Variants in CARS1 observed in about 807,000 individuals in gnomAD.
CARS1 encodes cysteine--tRNA ligase, cytoplasmic.
CARS1 carries 48 observed loss-of-function variants against 106.2 expected under a neutral mutation model. The ratio of observed to expected loss-of-function variants is 0.45; its 90% CI spans 0.36 to 0.57. The LOEUF (loss-of-function observed/expected upper bound fraction) is 0.57, where lower values mean the gene tolerates loss of function less well. Among genes scored for constraint, CARS1 ranks in the 20% least tolerant of loss-of-function variants. CARS1 has a pLI of 0.00. For missense variants in CARS1, 968 were observed against 1,057.2 expected (o/e 0.92, Z 1.17); for synonymous variants, 409 against 403.4 (o/e 1.01, Z -0.17).
rs1855145490 is a variant in CARS1 at position 3,046,914 on chromosome 11, A to G, written c.274+839T>C. Among the ~76,000 whole-genome samples the G allele has an allele frequency of 6.6e-6, 1 of 152,200 alleles. No homozygotes were observed. Among genetic ancestry groups the G allele is most frequent in the Non-Finnish European group, 1.5e-5 (1 of 68,040 alleles). On this transcript the variant is annotated intron_variant, in intron 2 of 22. Coordinates refer to ENST00000380525, the MANE Select transcript of CARS1 (RefSeq NM_001014437.3). The surrounding 1 kb of genome is among the most constrained non-coding windows in gnomAD (Gnocchi z 5.8). ...GGCACGTTCCACAGACACAACCAGC[A>G]CCAACAGGCTGGAGCTACGGGACAG...
At chr11:3,031,560 A>C (rs1852762941) in intron 7 of CARS1, 1 of 152,240 alleles carries the variant, frequency 6.6e-6, no homozygotes, top group South Asian at 2.1e-4. Context: ...GGAAGTTGCC[A>C]CTCTACCTAA....
At position 3,048,230 on chromosome 11, in the gene CARS1, T is replaced by C. The variant is rs1564791883; in HGVS notation, c.26-229A>G. The C allele has an allele frequency of 2.0e-6, 1 of 505,346 alleles. No individual in the cohort carries two copies. The allele number at this position is 505,346 out of a possible 1,614,324, so 31.3% of individuals were successfully genotyped here. A position where few individuals can be genotyped will look rare whatever the true frequency, so the allele number is the denominator to read the frequency against. On this transcript the variant is annotated intron_variant, in intron 1 of 22. Transcript: ENST00000380525. The surrounding 1 kb of genome is among the most constrained non-coding windows in gnomAD (Gnocchi z 5.1). ...TGGGTTCCCTCTTGGGTGATGAAAATGCTTTGGAACTAGACAGAAATGAAG... is the reference window on the plus strand; with the variant it reads ...TGGGTTCCCTCTTGGGTGATGAAAACGCTTTGGAACTAGACAGAAATGAAG...
At chr11:3,026,579 G>A (rs905293805) in intron 10 of CARS1, 97 bp downstream of exon 10, 2 of 1,290,352 alleles carry the variant, frequency 1.5e-6, no homozygotes, top group African/African-American at 1.5e-5. Context: ...GAGTCTGAGG[G>A]GTGGGCTCAG....
chr11:3,055,393 G>A (rs1191874234), intron 1 of CARS1, among the ~76,000 whole-genome samples: 1 of 152,090 alleles, frequency 6.6e-6, no homozygotes, highest in Non-Finnish European at 1.5e-5. Flanking sequence ...TGCCTGCCTC[G>A]GCCTCCCAAA....
At chr11:3,002,407 A>C (rs1263046003) in intron 21 of CARS1, 134 bp downstream of exon 21, 1 of 1,500,756 alleles carries the variant, frequency 6.7e-7, no homozygotes, top group African/African-American at 1.4e-5. Context: ...TGGTGGAGGC[A>C]GAAAGCGGAG....
Position 3,001,064 on chromosome 11 carries a change from G to T in CARS1, c.*50C>A. 6.2e-7 allele frequency: 1 copy of T among 1,602,358 alleles called. No homozygotes were observed. The highest frequency in any genetic ancestry group is 8.5e-7 in the Non-Finnish European group (1 of 1,171,510). The stretch of plus-strand genomic sequence containing the variant: ...GCGCTGGGACATTGTCACTGAGGCA[G>T]ACAGCAGCCACTAGTCCACAATGGT... On this transcript the variant is annotated 3_prime_UTR_variant, in exon 23 of 23. Coordinates refer to ENST00000380525, the MANE Select transcript of CARS1 (RefSeq NM_001014437.3).
chr11:3,032,610 C>T (rs1220281881), intron 7 of CARS1, among the ~76,000 whole-genome samples: 1 of 151,954 alleles, frequency 6.6e-6, no homozygotes, highest in Admixed American at 6.6e-5. Context: ...TTTTGGTGAT[C>T]AGAGGTGAAG....
At chr11:3,010,411 T>C (rs1850338896) in intron 18 of CARS1, among the ~76,000 whole-genome samples, 1 of 152,264 alleles carries the variant, frequency 6.6e-6, no homozygotes, top group Admixed American at 6.5e-5. Context: ...GCTAAGTTAG[T>C]GCTGCCAAGA....
intron 10 of CARS1, among the ~76,000 whole-genome samples, chr11:3,025,990 G>A (rs1467530559): frequency 6.6e-6 from 1 of 152,104 alleles, no homozygotes; most frequent in African/African-American, 2.4e-5. Flanking sequence ...ACTGTCTTTT[G>A]TTTCTTAAAA....
In CARS1 at chr11:3,008,868, C is replaced by T. The variant is rs1158744312; in HGVS notation, c.2069-1909G>A. 1 of 152,196 alleles carries T rather than the reference C, an allele frequency of 6.6e-6. No individual in the cohort carries two copies. The highest frequency in any genetic ancestry group is 2.4e-5 in the African/African-American group (1 of 41,426). The allele number at this position is 152,196 out of a possible 1,614,324, so 9.4% of individuals were successfully genotyped here. ...TTGAAAGCCACCCCTGGATAGCACC[C>T]TCATTAGAAGGAAGGCAAGCCAGCA... is the stretch of plus-strand genomic sequence containing the variant. On this transcript the variant is annotated intron_variant, in intron 18 of 22. Coordinates refer to ENST00000380525, the MANE Select transcript of CARS1 (RefSeq NM_001014437.3). This position sits in a 1 kb window ranked among gnomAD's most constrained non-coding sequence, Gnocchi z 5.1.
At chr11:3,033,531 T>C (rs1483996415) in intron 7 of CARS1, among the ~76,000 whole-genome samples, 1 of 152,134 alleles carries the variant, frequency 6.6e-6, no homozygotes, top group African/African-American at 2.4e-5. Flanking sequence ...AAATCCAAAA[T>C]GGAAATTAGA....
rs1855564533 is a variant in CARS1 at position 3,050,558 on chromosome 11, C to T, written c.26-2557G>A. ...AGCCAGCATGGCTCTCCCCTCACAG[C>T]CACAGGCCTCCAGCGGCCCTGCTGA... On this transcript the variant is annotated intron_variant, in intron 1 of 22. Transcript: ENST00000380525. This position sits in a 1 kb window ranked among gnomAD's most constrained non-coding sequence, Gnocchi z 6.3. 6.6e-6 allele frequency among the ~76,000 whole-genome samples: 1 copy of T among 152,232 alleles called. No individual in the cohort carries two copies. The highest frequency in any genetic ancestry group is 2.1e-4 in the South Asian group (1 of 4,834).
rs1034135497 is a variant in CARS1, at chr11:3,042,199, C to A, written c.332G>T (p.Arg111Ile). Residue 111 changes from arginine (R) to isoleucine (I), a missense_variant, in exon 3 of 23, where the codon AGA becomes ATA. Transcript: ENST00000380525. ...GGTGAGGCTGTTGTAAAGGTGGAGT[C>A]TGCATGGCTGGGTCCCAGCAGGAGG... ...WSPPAGTQPCRLHLYNSLTRN... is the reference protein window; with the variant it reads ...WSPPAGTQPCILHLYNSLTRN... The A allele has an allele frequency of 6.8e-6, 11 of 1,613,886 alleles. No homozygotes were observed.
intron 2 of CARS1, 187 bp from the exon 3 acceptor site, chr11:3,042,443 T>C (rs1854588449): frequency 1.8e-6 from 1 of 544,678 alleles, no homozygotes; most frequent in African/African-American, 1.9e-5. Flanking sequence ...TTTTTTTTTT[T>C]AGACGGAGTC....
At position 3,013,623 on chromosome 11, in the gene CARS1, G is replaced by A. The variant is rs183047883; in HGVS notation, c.1987-1347C>T. Among the ~76,000 whole-genome samples the A allele has an allele frequency of 1.7e-4, 26 of 152,112 alleles. No individual in the cohort carries two copies. The East Asian group carries it at 5.1e-3, about 30-fold the overall frequency. On this transcript the variant is annotated intron_variant, in intron 17 of 22. Coordinates refer to ENST00000380525, the MANE Select transcript of CARS1 (RefSeq NM_001014437.3). The stretch of plus-strand genomic sequence containing the variant: ...CCCAGCACTTTGGGAGGGCGAAGTG[G>A]GTGGATCATGAGGTCAGGAGTTCAA...
At position 3,040,272 on chromosome 11, in the gene CARS1, G is replaced by T. The variant is rs1332940122; in HGVS notation, c.456-341C>A. On this transcript the variant is annotated intron_variant, in intron 4 of 22. Transcript: ENST00000380525. The surrounding 1 kb of genome is among the most constrained non-coding windows in gnomAD (Gnocchi z 5.8). ...GTGTTCATTGACTGGCATGCTATTGGTCAACAGGAGGCTATTTTAGTGGTG... is the reference window on the plus strand; with the variant it reads ...GTGTTCATTGACTGGCATGCTATTGTTCAACAGGAGGCTATTTTAGTGGTG... Among the ~76,000 whole-genome samples the T allele has an allele frequency of 6.6e-6, 1 of 152,164 alleles. No homozygotes were observed. Among genetic ancestry groups the T allele is most frequent in the Non-Finnish European group, 1.5e-5 (1 of 68,036 alleles).
intron 18 of CARS1, chr11:3,007,781 C>T (rs1349737271): frequency 6.6e-6 from 1 of 152,244 alleles, no homozygotes; most frequent in African/African-American, 2.4e-5. Flanking sequence ...CCCGGCATCC[C>T]ACGGTTCTCC....
rs376817626 is a variant in CARS1 at position 3,050,418 on chromosome 11, G to A, written c.26-2417C>T. Among the ~76,000 whole-genome samples the A allele has an allele frequency of 2.5e-4, 38 of 152,186 alleles. No homozygotes were observed. Among genetic ancestry groups the A allele is most frequent in the African/African-American group, 8.9e-4 (37 of 41,518 alleles). ...ACACCCCTTTACAAGTTATCCTTAG[G>A]AGCACCCATAGCCAACCCACGGGAG... On this transcript the variant is annotated intron_variant, in intron 1 of 22. Coordinates refer to ENST00000380525, the MANE Select transcript of CARS1 (RefSeq NM_001014437.3). The surrounding 1 kb of genome is among the most constrained non-coding windows in gnomAD (Gnocchi z 6.3).
chr11:3,029,034 A>T lies in CARS1; in HGVS notation c.993T>A (p.Ile331=). The change falls in exon 9 of 23, where the codon ATT becomes ATA. Residue 331 remains isoleucine (I), a synonymous_variant. Coordinates refer to ENST00000380525, the MANE Select transcript of CARS1 (RefSeq NM_001014437.3). This position sits in a 1 kb window ranked among gnomAD's most constrained non-coding sequence, Gnocchi z 5.9. ...LTRVSEYVPE[I]VNFVQKIVDN... ...CCACAATCTTCTGGACAAAGTTCAC[A>T]ATTTCTGGCACATACTCACTAACCC... 6.2e-7 allele frequency: 1 copy of T among 1,614,042 alleles called. No individual in the cohort carries two copies.
Sources: gnomAD v4.1 joint callset for allele counts (sites outside exome capture counted in the v4.1 genomes callset) on GRCh38, gnomAD v4.1.1 for gene constraint, Gnocchi (gnomAD v3.1) non-coding constraint, MANE v1.5 for transcripts, NCBI Gene and HGNC (gene_info 2026-07-23, HGNC 2026-07-21) for gene names.